Variants in ZNF536 observed in about 807,000 individuals in gnomAD.
ZNF536 encodes the protein zinc finger protein 536.
A neutral mutation model predicts 84.5 loss-of-function variants in ZNF536; 13 were observed. The ratio of observed to expected loss-of-function variants is 0.15; its 90% CI spans 0.10 to 0.24. The LOEUF is 0.24. Among genes scored for constraint, ZNF536 ranks in the 10% least tolerant of loss-of-function variants. The pLI is 1.00. For missense variants in ZNF536, 1,536 were observed against 1,747.5 expected (o/e 0.88, Z 2.16); for synonymous variants, 811 against 742.5 (o/e 1.09, Z -1.50).
chr19:30,623,374 C>T (rs1298193429), intron 1 of ZNF536, among the ~76,000 whole-genome samples: 1 of 152,222 alleles, frequency 6.6e-6, no homozygotes, highest in Non-Finnish European at 1.5e-5. Context: ...CTTGTCACTG[C>T]TATGCTCAGA....
intron 1 of ZNF536, among the ~76,000 whole-genome samples, chr19:30,230,058 T>C (rs2022919141): frequency 6.6e-6 from 1 of 152,230 alleles, no homozygotes. Context: ...TGGCAGGGAC[T>C]CTGAGACCAT....
intron 1 of ZNF536, among the ~76,000 whole-genome samples, chr19:30,438,306 A>G (rs2051849646): frequency 3.9e-5 from 6 of 152,124 alleles, no homozygotes; most frequent in African/African-American, 2.4e-5. Context: ...ATGTCCGTGT[A>G]TACCCATTAT....
At chr19:30,275,460 G>A (rs757559431) in intron 1 of ZNF536, among the ~76,000 whole-genome samples, 6 of 152,156 alleles carry the variant, frequency 3.9e-5, no homozygotes, top group Non-Finnish European at 8.8e-5. Context: ...GTGTCTGACC[G>A]GCGGACATCA....
chr19:30,477,223 G>C (rs1387896701), intron 2 of ZNF536, among the ~76,000 whole-genome samples: 1 of 152,030 alleles, frequency 6.6e-6, no homozygotes, highest in East Asian at 1.9e-4. Context: ...TAACTATTTG[G>C]TATTCTTTTA....
At chr19:30,440,319 C>G (rs1316236436) in intron 1 of ZNF536, among the ~76,000 whole-genome samples, 1 of 152,000 alleles carries the variant, frequency 6.6e-6, no homozygotes, top group East Asian at 1.9e-4. Flanking sequence ...TAGCCAGGGA[C>G]CCTTCCAACT....
intron 1 of ZNF536, among the ~76,000 whole-genome samples, chr19:30,589,924 G>A (rs944032001): frequency 1.3e-5 from 2 of 152,212 alleles, no homozygotes; most frequent in Non-Finnish European, 2.9e-5. Flanking sequence ...GGGGTGCCAT[G>A]TGGAGGGGGA....
chr19:30,468,816 A>G (rs781375944), intron 2 of ZNF536, among the ~76,000 whole-genome samples: 6 of 152,130 alleles, frequency 3.9e-5, no homozygotes, highest in Non-Finnish European at 8.8e-5. Context: ...CCTGAGATCA[A>G]CAGGGAGAAG....
At chr19:30,572,632 C>T (rs955798127) in intron 1 of ZNF536, among the ~76,000 whole-genome samples, 2 of 152,162 alleles carry the variant, frequency 1.3e-5, no homozygotes, top group African/African-American at 2.4e-5. Context: ...GGCAGATGGT[C>T]GCCAACAGAG....
At chr19:30,575,435 C>A (rs2046695376) in intron 1 of ZNF536, among the ~76,000 whole-genome samples, 1 of 152,182 alleles carries the variant, frequency 6.6e-6, no homozygotes. Context: ...GATGATCCTG[C>A]CCGCCCAGGT....
intron 1 of ZNF536, among the ~76,000 whole-genome samples, chr19:30,275,072 T>C (rs1404330786): frequency 2.0e-5 from 3 of 152,202 alleles, no homozygotes; most frequent in Admixed American, 2.0e-4. Flanking sequence ...AGTGGGGTCT[T>C]CATCCTTGTG....
intron 1 of ZNF536, among the ~76,000 whole-genome samples, chr19:30,632,401 T>C (rs2048917106): frequency 6.6e-6 from 1 of 151,812 alleles, no homozygotes; most frequent in South Asian, 2.1e-4. Flanking sequence ...AGGTCTGGAG[T>C]TCGAGATCAG....
chr19:30,335,937 CT>C (rs1371344878), intron 2 of ZNF536, among the ~76,000 whole-genome samples: 2 of 152,092 alleles, frequency 1.3e-5, no homozygotes, highest in African/African-American at 2.4e-5. Flanking sequence ...GAATGGATTC[CT>C]CCTAAATGAA....
intron 2 of ZNF536, among the ~76,000 whole-genome samples, chr19:30,305,463 G>A (rs2046315271): frequency 6.6e-6 from 1 of 152,174 alleles, no homozygotes; most frequent in Non-Finnish European, 1.5e-5. Flanking sequence ...TGATCTGAGC[G>A]GTGAGCAGCT....
rs868778592 is a variant in ZNF536, at chr19:30,457,483, C to T, written c.2170+11751C>T. Reference sequence around the variant, plus strand: ...CAGGCTGGGAAGGGAGGGAGAGGGCCGGAGCAGGATGGGAGCTGCTGAGGC... The same window carrying T: ...CAGGCTGGGAAGGGAGGGAGAGGGCTGGAGCAGGATGGGAGCTGCTGAGGC... On this transcript the variant is annotated intron_variant, in intron 2 of 4. Transcript: ENST00000355537. Among the ~76,000 whole-genome samples, 10 of 152,284 alleles carry T rather than the reference C, an allele frequency of 6.6e-5. No individual in the cohort carries two copies. In the South Asian group the frequency reaches 1.5e-3, roughly 22 times the overall value.
intron 2 of ZNF536, among the ~76,000 whole-genome samples, chr19:30,345,696 A>G (rs1219190941): frequency 6.6e-6 from 1 of 152,204 alleles, no homozygotes; most frequent in African/African-American, 2.4e-5. Context: ...GAAGGCAGAG[A>G]GTCTCGGATG....
At chr19:30,667,486 T>A (rs539695791) in intron 1 of ZNF536, among the ~76,000 whole-genome samples, 2 of 152,078 alleles carry the variant, frequency 1.3e-5, no homozygotes, top group East Asian at 3.9e-4. Flanking sequence ...AAGCTGCCTG[T>A]GAGTGGGAAG....
intron 1 of ZNF536, among the ~76,000 whole-genome samples, chr19:30,578,593 T>C (rs2046817255): frequency 6.6e-6 from 1 of 152,240 alleles, no homozygotes; most frequent in African/African-American, 2.4e-5. Flanking sequence ...TCTTCCCATA[T>C]TGGGCACTGC....
At chr19:30,476,500 G>A (rs2053852105) in intron 2 of ZNF536, among the ~76,000 whole-genome samples, 1 of 152,132 alleles carries the variant, frequency 6.6e-6, no homozygotes, top group South Asian at 2.1e-4. Context: ...GATGAGAATC[G>A]GCCTCTGATG....
chr19:30,450,504 G>T (rs1002510226), intron 2 of ZNF536, among the ~76,000 whole-genome samples: 1 of 152,194 alleles, frequency 6.6e-6, no homozygotes, highest in Non-Finnish European at 1.5e-5. Flanking sequence ...AGACCCCCCT[G>T]GGCATGGTGG....
Sources: allele counts gnomAD v4.1 joint callset (sites outside exome capture counted in the v4.1 genomes callset), GRCh38; gene constraint gnomAD v4.1.1; transcripts MANE v1.5; gene names NCBI Gene and HGNC (gene_info 2026-07-23, HGNC 2026-07-21).